Variants in BCAS3 observed in about 807,000 individuals in gnomAD.
BCAS3 encodes the protein BCAS3 microtubule associated cell migration factor, also known as BCAS4/BCAS3 fusion.
A neutral mutation model predicts 116.1 loss-of-function variants in BCAS3; 53 were observed. The ratio of observed to expected loss-of-function variants is 0.46; its 90% CI spans 0.37 to 0.57. The LOEUF (loss-of-function observed/expected upper bound fraction) is 0.57. Among genes scored for constraint, BCAS3 ranks in the 20% least tolerant of loss-of-function variants. BCAS3 has a pLI of 0.00. For synonymous variants in BCAS3, 391 were observed against 408.2 expected (o/e 0.96, Z 0.51); for missense variants, 917 against 1,165.4 (o/e 0.79, Z 3.10).
At chr17:60,951,007 A>T (rs547919836) in intron 14 of BCAS3, among the ~76,000 whole-genome samples, 2 of 152,212 alleles carry the variant, frequency 1.3e-5, no homozygotes, top group Non-Finnish European at 2.9e-5. Context: ...TTACATTTTA[A>T]TACAGTTAGA....
intron 22 of BCAS3, among the ~76,000 whole-genome samples, chr17:61,263,280 G>T (rs1184589493): frequency 2.6e-5 from 4 of 152,228 alleles, no homozygotes; most frequent in Non-Finnish European, 5.9e-5. Context: ...CAAGCAGATG[G>T]AACCGTTATC....
chr17:61,008,882 G>T lies in BCAS3; in HGVS notation c.1487-6869G>T, dbSNP rs1463395893. Reference sequence around the variant, plus strand: ...TTTCCGTAGAATTGTCTTCTGAGGAGTGCCAGAGAGTCACATTGACCTCGG... The same window carrying T: ...TTTCCGTAGAATTGTCTTCTGAGGATTGCCAGAGAGTCACATTGACCTCGG... On this transcript the variant is annotated intron_variant, in intron 15 of 23. Transcript: ENST00000407086. This position sits in a 1 kb window ranked among gnomAD's most constrained non-coding sequence, Gnocchi z 4.6. Among the ~76,000 whole-genome samples, 1 of 151,978 alleles carries T rather than the reference G, an allele frequency of 6.6e-6. No individual in the cohort carries two copies. Among genetic ancestry groups the T allele is most frequent in the African/African-American group, 2.4e-5 (1 of 41,408 alleles).
chr17:60,833,432 A>G (rs1261461061), intron 7 of BCAS3, among the ~76,000 whole-genome samples: 9 of 152,198 alleles, frequency 5.9e-5, no homozygotes, highest in Non-Finnish European at 1.5e-5. Flanking sequence ...AGTTTTCTTG[A>G]TCCTAGGCAA....
chr17:61,163,815 C>T lies in BCAS3; in HGVS notation c.2425+79251C>T, dbSNP rs903858801. Among the ~76,000 whole-genome samples the T allele has an allele frequency of 4.0e-5, 6 of 151,754 alleles. No homozygotes were observed. The East Asian group carries it at 5.8e-4, about 15-fold the overall frequency. The stretch of plus-strand genomic sequence containing the variant: ...CAGCTTGACCAACATGGAGAAACCC[C>T]GTCTCTACTAAAAATACAAAATTAG... On this transcript the variant is annotated intron_variant, in intron 22 of 23. Coordinates refer to ENST00000407086, the MANE Select transcript of BCAS3 (RefSeq NM_017679.5).
At position 61,105,598 on chromosome 17, in the gene BCAS3, A is replaced by AT. The variant is rs1194588420; in HGVS notation, c.2425+21042dup. Among the ~76,000 whole-genome samples, 8 of 151,530 alleles carry AT rather than the reference A, an allele frequency of 5.3e-5. No homozygotes were observed. The East Asian group carries it at 5.8e-4, about 11-fold the overall frequency. On this transcript the variant is annotated intron_variant, in intron 22 of 23. Transcript: ENST00000407086. The surrounding 1 kb of genome is among the most constrained non-coding windows in gnomAD (Gnocchi z 4.3). ...TGCCACCACGCCCAGCTAATTTTGTATTTTTTTTAGTATAGATGGGGTTTC... is the reference window on the plus strand; with the variant it reads ...TGCCACCACGCCCAGCTAATTTTGTATTTTTTTTTAGTATAGATGGGGTTTC...
intron 6 of BCAS3, among the ~76,000 whole-genome samples, chr17:60,753,472 C>T (rs1319156501): frequency 1.3e-5 from 2 of 151,130 alleles, no homozygotes; most frequent in African/African-American, 2.4e-5. Flanking sequence ...TGCAGTGGCT[C>T]GACCTCCACT....
rs1320808876 is a variant in BCAS3, at chr17:61,034,209, A to G, written c.1638-457A>G. On this transcript the variant is annotated intron_variant, in intron 16 of 23. Coordinates refer to ENST00000407086, the MANE Select transcript of BCAS3 (RefSeq NM_017679.5). This position sits in a 1 kb window ranked among gnomAD's most constrained non-coding sequence, Gnocchi z 5.0. Reference sequence around the variant, plus strand: ...TCATCCATGCTGTCTAAATTCATTTATACTGTTAATCCCACATCTTATAGA... The same window carrying G: ...TCATCCATGCTGTCTAAATTCATTTGTACTGTTAATCCCACATCTTATAGA... Among the ~76,000 whole-genome samples, 2 of 152,246 alleles carry G rather than the reference A, an allele frequency of 1.3e-5. No individual in the cohort carries two copies. Among genetic ancestry groups the G allele is most frequent in the Non-Finnish European group, 2.9e-5 (2 of 68,040 alleles).
At position 61,122,914 on chromosome 17, in the gene BCAS3, T is replaced by C. The variant is rs915544041; in HGVS notation, c.2425+38350T>C. ...AAAACTTGACCCAAGAGATAAAGAC[T>C]GTGAAAGATTCCACATTATGGGTAA... On this transcript the variant is annotated intron_variant, in intron 22 of 23. Coordinates refer to ENST00000407086, the MANE Select transcript of BCAS3 (RefSeq NM_017679.5). This position sits in a 1 kb window ranked among gnomAD's most constrained non-coding sequence, Gnocchi z 4.6. 6.6e-6 allele frequency among the ~76,000 whole-genome samples: 1 copy of C among 152,108 alleles called. No individual in the cohort carries two copies. The highest frequency in any genetic ancestry group is 1.5e-5 in the Non-Finnish European group (1 of 68,002).
chr17:60,750,982 G>A (rs11655916), intron 6 of BCAS3, among the ~76,000 whole-genome samples: 110,280 of 152,096 alleles, frequency 0.73, 45,694 homozygotes, highest in South Asian at 0.98. Context: ...CTTTATACAA[G>A]GTATTAATAA....
rs1011584712 is a variant in BCAS3, at chr17:61,136,662, C to T, written c.2425+52098C>T. 6.6e-6 allele frequency among the ~76,000 whole-genome samples: 1 copy of T among 152,206 alleles called. No homozygotes were observed. Among genetic ancestry groups the T allele is most frequent in the Non-Finnish European group, 1.5e-5 (1 of 68,034 alleles). On this transcript the variant is annotated intron_variant, in intron 22 of 23. Transcript: ENST00000407086. This position sits in a 1 kb window ranked among gnomAD's most constrained non-coding sequence, Gnocchi z 4.4. Reference sequence around the variant, plus strand: ...GCAACCTCTGCCTCCCAGGTTCAAGCAATTCTTATACCTCAGCCTCCTGAG... The same window carrying T: ...GCAACCTCTGCCTCCCAGGTTCAAGTAATTCTTATACCTCAGCCTCCTGAG...
chr17:60,821,400 T>C (rs1436201932), intron 7 of BCAS3, among the ~76,000 whole-genome samples: 1 of 152,228 alleles, frequency 6.6e-6, no homozygotes, highest in Admixed American at 6.5e-5. Flanking sequence ...ATTTAAAGTG[T>C]ATAATATTAT....
chr17:60,724,420 CAAA>C (rs748461644), intron 5 of BCAS3, among the ~76,000 whole-genome samples: 2 of 39,782 alleles, frequency 5.0e-5, no homozygotes. Flanking sequence ...GAGACTGTCT[CAAA>C]AAAAAAAAAA....
At chr17:60,999,526 G>A (rs1285224938) in intron 15 of BCAS3, among the ~76,000 whole-genome samples, 1 of 142,254 alleles carries the variant, frequency 7.0e-6, no homozygotes, top group Non-Finnish European at 1.5e-5. Context: ...CAGCCTGGGC[G>A]ACAGGGTGAG....
chr17:60,843,040 T>C (rs2052114134), intron 7 of BCAS3, among the ~76,000 whole-genome samples: 1 of 151,848 alleles, frequency 6.6e-6, no homozygotes, highest in South Asian at 2.1e-4. Context: ...CCCAGCTAAT[T>C]TTTAACATTT....
At chr17:61,253,096 G>C (rs1372086016) in intron 22 of BCAS3, among the ~76,000 whole-genome samples, 1 of 150,988 alleles carries the variant, frequency 6.6e-6, no homozygotes, top group Admixed American at 6.6e-5. Context: ...GGCTGGTCTC[G>C]AACTCCTGAC....
chr17:61,209,767 A>G (rs574036027), intron 22 of BCAS3, among the ~76,000 whole-genome samples: 1 of 152,334 alleles, frequency 6.6e-6, no homozygotes, highest in East Asian at 1.9e-4. Context: ...AGGACCTTCA[A>G]TAGAGAGCTT....
At chr17:60,922,638 C>T (rs780594425) in intron 12 of BCAS3, among the ~76,000 whole-genome samples, 2 of 152,112 alleles carry the variant, frequency 1.3e-5, no homozygotes, top group Non-Finnish European at 2.9e-5. Context: ...CCCAAAACTG[C>T]AGAATGCACA....
intron 15 of BCAS3, chr17:61,003,671 C>T (rs2145487157): frequency 6.6e-6 from 1 of 152,222 alleles, no homozygotes; most frequent in East Asian, 1.9e-4. Flanking sequence ...GCCTAGACTC[C>T]ATCAGACTGA....
chr17:61,276,416 G>A lies in BCAS3; in HGVS notation c.2426-91911G>A, dbSNP rs1351969431. On this transcript the variant is annotated intron_variant, in intron 22 of 23. Coordinates refer to ENST00000407086, the MANE Select transcript of BCAS3 (RefSeq NM_017679.5). This position sits in a 1 kb window ranked among gnomAD's most constrained non-coding sequence, Gnocchi z 4.2. ...TCTATACAGTAGCAATGAGCAAACCGCAAATAAAATTAGGAAAGCTATTTC... is the reference window on the plus strand; with the variant it reads ...TCTATACAGTAGCAATGAGCAAACCACAAATAAAATTAGGAAAGCTATTTC... Among the ~76,000 whole-genome samples the A allele has an allele frequency of 4.6e-5, 7 of 152,048 alleles. No homozygotes were observed. In the East Asian group the frequency reaches 1.3e-3, roughly 29 times the overall value.
Sources: allele counts gnomAD v4.1 joint callset (sites outside exome capture counted in the v4.1 genomes callset), GRCh38; gene constraint gnomAD v4.1.1; non-coding constraint Gnocchi (gnomAD v3.1); transcripts MANE v1.5; gene names NCBI Gene and HGNC (gene_info 2026-07-23, HGNC 2026-07-21).